PLEKHA5: variants seen among roughly 807,000 people sequenced by gnomAD.
PLEKHA5 encodes pleckstrin homology domain containing A5.
Under a neutral mutation model 181.9 loss-of-function variants are expected in PLEKHA5, and 55 were observed. The observed-to-expected ratio is 0.30, with a 90% CI of 0.24 to 0.38. The LOEUF is 0.38. Ranked by LOEUF, PLEKHA5 falls within the 10% of genes least tolerant of loss-of-function variation. PLEKHA5 has a pLI of 1.00. For missense variants in PLEKHA5, 1,432 were observed against 1,549.5 expected (o/e 0.92, Z 1.27); for synonymous variants, 535 against 529.4 (o/e 1.01, Z -0.15).
intron 3 of PLEKHA5, among the ~76,000 whole-genome samples, chr12:19,252,748 A>G (rs1156469107): frequency 6.6e-6 from 1 of 152,002 alleles, no homozygotes; most frequent in Non-Finnish European, 1.5e-5. Context: ...TACCTTCCTC[A>G]AGTGTCAAAA....
chr12:19,343,651 T>C (rs1422551266), intron 22 of PLEKHA5, among the ~76,000 whole-genome samples: 1 of 152,238 alleles, frequency 6.6e-6, no homozygotes, highest in East Asian at 1.9e-4. Flanking sequence ...AGCATGTGAC[T>C]GTACTGAATA....
intron 3 of PLEKHA5, among the ~76,000 whole-genome samples, chr12:19,213,919 G>C (rs1592087102): frequency 2.0e-5 from 3 of 152,098 alleles, no homozygotes; most frequent in African/African-American, 7.2e-5. Flanking sequence ...TATTCTTTTT[G>C]TTGAGAAGCA....
At chr12:19,169,683 A>G (rs777268663) in intron 3 of PLEKHA5, among the ~76,000 whole-genome samples, 2 of 152,228 alleles carry the variant, frequency 1.3e-5, no homozygotes, top group Non-Finnish European at 1.5e-5. Flanking sequence ...TGTTGATTCA[A>G]TTAAGGTCTT....
At position 19,176,069 on chromosome 12, in the gene PLEKHA5, G is replaced by C. The variant is rs189580786; in HGVS notation, c.227+43619G>C. Among the ~76,000 whole-genome samples the C allele has an allele frequency of 1.1e-4, 16 of 152,142 alleles. No individual in the cohort carries two copies. In the East Asian group the frequency reaches 3.1e-3, roughly 29 times the overall value. On this transcript the variant is annotated intron_variant, in intron 3 of 31. Transcript: ENST00000429027. ...AAAAAATTAAATAACCTTCAAAATA[G>C]TGAGAAGTGAATATAACACAAATGT...
chr12:19,175,496 A>G (rs1299043478), intron 3 of PLEKHA5, among the ~76,000 whole-genome samples: 2 of 152,228 alleles, frequency 1.3e-5, no homozygotes, highest in African/African-American at 2.4e-5. Context: ...AGCATGTTAT[A>G]TACTAATAAA....
chr12:19,330,352 G>A (rs2092719580), intron 20 of PLEKHA5, among the ~76,000 whole-genome samples: 2 of 152,136 alleles, frequency 1.3e-5, no homozygotes, highest in Non-Finnish European at 2.9e-5. Context: ...GTGGCTGATA[G>A]TTGAGCCTCA....
chr12:19,375,818 T>A lies in PLEKHA5; in HGVS notation c.*299T>A, dbSNP rs886649539. 1.3e-5 allele frequency: 2 copies of A among 152,630 alleles called. No homozygotes were observed. Among genetic ancestry groups the A allele is most frequent in the Non-Finnish European group, 2.9e-5 (2 of 68,044 alleles). The allele number at this position is 152,630 out of a possible 1,614,324, so 9.5% of individuals were successfully genotyped here. A position where few individuals can be genotyped will look rare whatever the true frequency, so the allele number is the denominator to read the frequency against. On this transcript the variant is annotated 3_prime_UTR_variant, in exon 32 of 32. Coordinates refer to ENST00000429027, the MANE Select transcript of PLEKHA5 (RefSeq NM_001256470.2). ...TAATGTGCAGTCTATTTCCAGAGCT[T>A]ACTTAGTTGCTGATTTCCAGATTTC... is the stretch of plus-strand genomic sequence containing the variant.
rs112824923 is a variant in PLEKHA5 at position 19,306,479 on chromosome 12, C to G, written c.2038-8335C>G. On this transcript the variant is annotated intron_variant, in intron 15 of 31. Coordinates refer to ENST00000429027, the MANE Select transcript of PLEKHA5 (RefSeq NM_001256470.2). Reference sequence around the variant, plus strand: ...ATACCCACCTCCCACGAACCGGTTCCTCTTCCCCCTCCTTGCTGTGTGTTT... The same window carrying G: ...ATACCCACCTCCCACGAACCGGTTCGTCTTCCCCCTCCTTGCTGTGTGTTT... The G allele has an allele frequency of 4.1e-3, 2,805 of 677,528 alleles. 19 individuals are homozygous for G. The highest frequency in any genetic ancestry group is 4.3e-3 in the Non-Finnish European group (1,561 of 359,614). 42.0% of individuals were successfully genotyped at this position (677,528 alleles called of 1,614,324 possible). A position where few individuals can be genotyped will look rare whatever the true frequency, so the allele number is the denominator to read the frequency against.
chr12:19,307,580 T>G, intron 15 of PLEKHA5: 1 of 325,706 alleles, frequency 3.1e-6, no homozygotes, highest in Non-Finnish European at 6.1e-6. Context: ...GATCACATTC[T>G]AGGAGGAGGA....
At chr12:19,138,798 C>T (rs1051556685) in intron 3 of PLEKHA5, among the ~76,000 whole-genome samples, 6 of 152,062 alleles carry the variant, frequency 3.9e-5, no homozygotes, top group Admixed American at 2.0e-4. Context: ...GTAATACTAA[C>T]TAGGCTTGTT....
At chr12:19,372,720 C>T (rs2095613793) in intron 31 of PLEKHA5, 1 of 151,696 alleles carries the variant, frequency 6.6e-6, no homozygotes, top group South Asian at 2.1e-4. Flanking sequence ...GATAGTCTTA[C>T]CTGTGTTCTG....
At chr12:19,343,922 C>T (rs1002962950) in intron 22 of PLEKHA5, among the ~76,000 whole-genome samples, 7 of 152,050 alleles carry the variant, frequency 4.6e-5, no homozygotes, top group Non-Finnish European at 8.8e-5. Context: ...CATGGTGGCG[C>T]ATGCCTGTAG....
chr12:19,213,387 A>G (rs145878647), intron 3 of PLEKHA5, among the ~76,000 whole-genome samples: 152 of 152,202 alleles, frequency 1.0e-3, no homozygotes, highest in Non-Finnish European at 1.6e-3. Context: ...AAGATTATAG[A>G]TGTCTTCAAG....
intron 3 of PLEKHA5, among the ~76,000 whole-genome samples, chr12:19,239,657 C>T (rs1413488478): frequency 2.0e-5 from 3 of 152,170 alleles, no homozygotes; most frequent in Non-Finnish European, 4.4e-5. Context: ...TTATATAACA[C>T]ATTTTATATA....
At chr12:19,352,352 T>C (rs1212906582) in intron 25 of PLEKHA5, among the ~76,000 whole-genome samples, 1 of 151,628 alleles carries the variant, frequency 6.6e-6, no homozygotes, top group South Asian at 2.1e-4. Context: ...GCCATTGTAC[T>C]TCAGCCTGGG....
At chr12:19,321,384 G>A (rs1447499083) in intron 18 of PLEKHA5, among the ~76,000 whole-genome samples, 10 of 84,416 alleles carry the variant, frequency 1.2e-4, no homozygotes, top group African/African-American at 4.8e-4. Flanking sequence ...TTTTTTTTGA[G>A]TCAGGGTCTC....
chr12:19,283,727 C>T lies in PLEKHA5; in HGVS notation c.1761C>T (p.His587=). The T allele has an allele frequency of 6.2e-7, 1 of 1,611,482 alleles. No homozygotes were observed. Among genetic ancestry groups the T allele is most frequent in the Non-Finnish European group, 8.5e-7 (1 of 1,177,916 alleles). ...GAGATGTGACAATAGACCGCAGACA[C>T]AGGGCCCATCACCCTAAGGTAAAAT... The part of the protein sequence containing the change: ...QRGDVTIDRR[H]RAHHPKHVYV... Residue 587 remains histidine, a synonymous_variant, in exon 12 of 32, where the codon CAC becomes CAT. Coordinates refer to ENST00000429027, the MANE Select transcript of PLEKHA5 (RefSeq NM_001256470.2).
chr12:19,334,324 A>G (rs945075424), intron 20 of PLEKHA5, among the ~76,000 whole-genome samples: 13 of 152,324 alleles, frequency 8.5e-5, no homozygotes, highest in African/African-American at 3.1e-4. Flanking sequence ...AGGAAAATTG[A>G]AAGTATACTG....
At chr12:19,224,719 CTA>C (rs2059446980) in intron 3 of PLEKHA5, among the ~76,000 whole-genome samples, 1 of 152,002 alleles carries the variant, frequency 6.6e-6, no homozygotes. Context: ...ATTCAGTGTT[CTA>C]ATGAAATAAA....
Sources: allele counts gnomAD v4.1 joint callset (sites outside exome capture counted in the v4.1 genomes callset), GRCh38; gene constraint gnomAD v4.1.1; transcripts MANE v1.5; gene names NCBI Gene and HGNC (gene_info 2026-07-23, HGNC 2026-07-21).